SLC5A8: variants seen among roughly 807,000 people sequenced by gnomAD.
SLC5A8 encodes solute carrier family 5 member 8.
SLC5A8 carries 55 observed loss-of-function variants against 71.9 expected under a neutral mutation model. The observed-to-expected ratio is 0.77, with a 90% CI of 0.62 to 0.96. The LOEUF (loss-of-function observed/expected upper bound fraction) is 0.96, where lower values mean the gene tolerates loss of function less well. Ranked by LOEUF, SLC5A8 falls within the 40% of genes least tolerant of loss-of-function variation. The pLI, the probability that SLC5A8 is intolerant of heterozygous loss-of-function variation, is 0.00. For synonymous variants in SLC5A8, 307 were observed against 276.1 expected (o/e 1.11, Z -1.11); for missense variants, 701 against 745.3 (o/e 0.94, Z 0.69).
chr12:101,174,822 C>T (rs2673677), intron 10 of SLC5A8, among the ~76,000 whole-genome samples: 74,518 of 151,974 alleles, frequency 0.49, 19,709 homozygotes, highest in African/African-American at 0.69. Context: ...CCCTCCCTTA[C>T]GCTACTGACG....
At chr12:101,179,346 A>G (rs117572535) in intron 10 of SLC5A8, among the ~76,000 whole-genome samples, 1 of 152,338 alleles carries the variant, frequency 6.6e-6, no homozygotes, top group Non-Finnish European at 1.5e-5. Flanking sequence ...ACCTTTATGT[A>G]ATGTTTGTAA....
intron 8 of SLC5A8, among the ~76,000 whole-genome samples, chr12:101,183,868 G>A (rs541458078): frequency 1.9e-4 from 29 of 152,176 alleles, no homozygotes; most frequent in African/African-American, 6.5e-4. Flanking sequence ...TCAACCGATC[G>A]TCATTATTGT....
At position 101,167,994 on chromosome 12, in the gene SLC5A8, T is replaced by C. The variant is rs2051789119; in HGVS notation, c.1320+102A>G. ...AAATAATTTAAGTCATCAAGACAAG[T>C]AGCTAATGACAAATCTCAAAGGAAC... On this transcript the variant is annotated intron_variant, in intron 11 of 14. Coordinates refer to ENST00000536262, the MANE Select transcript of SLC5A8 (RefSeq NM_145913.5). 4.7e-6 allele frequency: 5 copies of C among 1,073,326 alleles called. No homozygotes were observed. The Admixed American group carries it at 6.9e-5, about 15-fold the overall frequency. The allele number at this position is 1,073,326 out of a possible 1,614,324, so 66.5% of individuals were successfully genotyped here.
At chr12:101,207,584 T>C (rs1279028255) in intron 1 of SLC5A8, among the ~76,000 whole-genome samples, 1 of 152,274 alleles carries the variant, frequency 6.6e-6, no homozygotes, top group Middle Eastern at 3.4e-3. Context: ...CGAAGAGGCA[T>C]GGGTCAGTGG....
At chr12:101,171,852 G>A (rs1418061639) in intron 10 of SLC5A8, among the ~76,000 whole-genome samples, 1 of 152,172 alleles carries the variant, frequency 6.6e-6, no homozygotes, top group African/African-American at 2.4e-5. Context: ...AGTTGGATGT[G>A]GAAAGTCAGG....
chr12:101,164,213 A>G (rs1180484461), intron 12 of SLC5A8, among the ~76,000 whole-genome samples: 3 of 152,220 alleles, frequency 2.0e-5, no homozygotes, highest in Non-Finnish European at 4.4e-5. Flanking sequence ...TTTTCAAAAC[A>G]TATCTCATAT....
At chr12:101,201,593 A>C (rs532081051) in intron 3 of SLC5A8, among the ~76,000 whole-genome samples, 1 of 152,294 alleles carries the variant, frequency 6.6e-6, no homozygotes, top group Non-Finnish European at 1.5e-5. Context: ...TATCTTCCCA[A>C]ATCTAGAGAG....
chr12:101,193,540 T>C, intron 5 of SLC5A8, 85 bp downstream of exon 5: 6 of 1,464,910 alleles, frequency 4.1e-6, no homozygotes, highest in Non-Finnish European at 5.5e-6. Context: ...GCTTGTTTTT[T>C]AATGTAAATC....
intron 5 of SLC5A8, among the ~76,000 whole-genome samples, chr12:101,192,997 A>C (rs919576523): frequency 1.0e-4 from 14 of 133,484 alleles, no homozygotes; most frequent in Non-Finnish European, 4.6e-5. Context: ...TTTGAGACAG[A>C]GTCTCACTCT....
chr12:101,158,594 CTCTCTATATATATATA>C (rs1321057441), intron 13 of SLC5A8, among the ~76,000 whole-genome samples: 10 of 21,296 alleles, frequency 4.7e-4, no homozygotes, highest in East Asian at 1.4e-3. Flanking sequence ...CTCTCTCTCT[CTCTCTATATATATATA>C]TATATATATA....
intron 7 of SLC5A8, 151 bp from the exon 8 acceptor site, chr12:101,184,373 AACT>A: frequency 3.0e-6 from 2 of 658,262 alleles, no homozygotes; most frequent in South Asian, 3.9e-5. Context: ...TAAACTGTTT[AACT>A]ACTAACACTT....
In SLC5A8 at chr12:101,170,677, C is replaced by T. The variant is rs550269485; in HGVS notation, c.1234-2495G>A. Among the ~76,000 whole-genome samples, 31 of 152,250 alleles carry T rather than the reference C, an allele frequency of 2.0e-4. No individual in the cohort carries two copies. The East Asian group carries it at 4.4e-3, about 22-fold the overall frequency. ...TAGACCCCAACCGCTCCATTCCATCCGAACACCACAGAATAATCTGTTCAC... is the reference window on the plus strand; with the variant it reads ...TAGACCCCAACCGCTCCATTCCATCTGAACACCACAGAATAATCTGTTCAC... On this transcript the variant is annotated intron_variant, in intron 10 of 14. Transcript: ENST00000536262.
chr12:101,205,363 A>T (rs1869634824), intron 1 of SLC5A8, among the ~76,000 whole-genome samples: 1 of 152,006 alleles, frequency 6.6e-6, no homozygotes, highest in South Asian at 2.1e-4. Flanking sequence ...GACCATGCCA[A>T]TTTTTCCTAT....
chr12:101,180,934 T>C (rs1218746978), intron 9 of SLC5A8, among the ~76,000 whole-genome samples: 1 of 152,196 alleles, frequency 6.6e-6, no homozygotes, highest in East Asian at 1.9e-4. Context: ...TTCAGTATTT[T>C]CTAAATTTTC....
rs536128119 is a variant in SLC5A8, at chr12:101,179,936, T to A, written c.1233+93A>T. ...GCCACTTGATATGTCCAGGTGTCGATATATATCGAGAGAAGTCTGGAAGGA... is the reference window on the plus strand; with the variant it reads ...GCCACTTGATATGTCCAGGTGTCGAAATATATCGAGAGAAGTCTGGAAGGA... On this transcript the variant is annotated intron_variant, in intron 10 of 14. Transcript: ENST00000536262. 27 of 1,312,492 alleles carry A rather than the reference T, an allele frequency of 2.1e-5. No homozygotes were observed. In the South Asian group the frequency reaches 3.1e-4, roughly 15 times the overall value. The allele number at this position is 1,312,492 out of a possible 1,614,324, so 81.3% of individuals were successfully genotyped here.
chr12:101,161,852 G>T (rs1055780840), intron 13 of SLC5A8, 122 bp downstream of exon 13: 1 of 739,888 alleles, frequency 1.4e-6, no homozygotes, highest in Non-Finnish European at 2.3e-6. Context: ...GAGTAAAACA[G>T]AAGAAATAAT....
chr12:101,171,506 C>G (rs889235962), intron 10 of SLC5A8, among the ~76,000 whole-genome samples: 1 of 152,098 alleles, frequency 6.6e-6, no homozygotes, highest in African/African-American at 2.4e-5. Context: ...TTCTGTAGGA[C>G]GGTGAGTAGG....
At chr12:101,174,031 A>G (rs545064066) in intron 10 of SLC5A8, among the ~76,000 whole-genome samples, 5 of 152,292 alleles carry the variant, frequency 3.3e-5, no homozygotes, top group African/African-American at 1.2e-4. Flanking sequence ...GGCACAGACA[A>G]AGTATGTAGA....
chr12:101,156,760 T>C lies in SLC5A8; in HGVS notation c.*519A>G, dbSNP rs1458352111. 6.6e-6 allele frequency: 1 copy of C among 152,480 alleles called. No individual in the cohort carries two copies. Among genetic ancestry groups the C allele is most frequent in the Non-Finnish European group, 1.5e-5 (1 of 68,272 alleles). The allele number at this position is 152,480 out of a possible 1,614,324, so 9.4% of individuals were successfully genotyped here. On this transcript the variant is annotated 3_prime_UTR_variant, in exon 15 of 15. Transcript: ENST00000536262. ...CAGAATCAGTTTGCAGGTTAGTATATGCCCTGGACTGATAGGGGGATAAAA... is the reference window on the plus strand; with the variant it reads ...CAGAATCAGTTTGCAGGTTAGTATACGCCCTGGACTGATAGGGGGATAAAA...
Sources: gnomAD v4.1 joint callset for allele counts (sites outside exome capture counted in the v4.1 genomes callset) on GRCh38, gnomAD v4.1.1 for gene constraint, MANE v1.5 for transcripts, NCBI Gene and HGNC (gene_info 2026-07-23, HGNC 2026-07-21) for gene names.